Variants in ACTR3B observed in about 807,000 individuals in gnomAD.
The protein encoded by ACTR3B is actin related protein 3B, also known as actin-related protein 3B.
Under a neutral mutation model 59.0 loss-of-function variants are expected in ACTR3B, and 8 were observed. The observed-to-expected ratio is 0.14, with a 90% CI of 0.08 to 0.24. The LOEUF is 0.24. Ranked by LOEUF, ACTR3B falls within the 10% of genes least tolerant of loss-of-function variation. The probability of loss-of-function intolerance (pLI) is 1.00; values close to 1 mark genes in which losing one functional copy is unlikely to be tolerated. For missense variants in ACTR3B, 245 were observed against 552.3 expected (o/e 0.44, Z 5.58); for synonymous variants, 148 against 197.9 (o/e 0.75, Z 2.12).
intron 2 of ACTR3B, among the ~76,000 whole-genome samples, chr7:152,784,969 G>C (rs1338278998): frequency 2.0e-5 from 3 of 152,058 alleles, no homozygotes; most frequent in Non-Finnish European, 2.9e-5. Flanking sequence ...GTGTTCTGTA[G>C]GATGAATCAG....
intron 1 of ACTR3B, among the ~76,000 whole-genome samples, chr7:152,767,366 G>A (rs2098113596): frequency 6.6e-6 from 1 of 152,094 alleles, no homozygotes; most frequent in South Asian, 2.1e-4. Context: ...GTTCATAATA[G>A]CAGCACCACA....
intron 8 of ACTR3B, 113 bp downstream of exon 8, chr7:152,823,628 C>T (rs183530003): frequency 6.7e-4 from 880 of 1,306,058 alleles, no homozygotes; most frequent in African/African-American, 4.1e-3. Flanking sequence ...GGCCGTCATT[C>T]GGTCTCTCTG....
intron 7 of ACTR3B, among the ~76,000 whole-genome samples, chr7:152,821,629 G>A (rs1796167380): frequency 6.6e-6 from 1 of 152,212 alleles, no homozygotes. Flanking sequence ...CACACGGGCT[G>A]TTGGGGTTCC....
chr7:152,811,052 A>G (rs933691065), intron 4 of ACTR3B: 1 of 151,480 alleles, frequency 6.6e-6, no homozygotes, highest in African/African-American at 2.4e-5. Context: ...AATTGTTCCA[A>G]AGTGTTTAGT....
At chr7:152,786,595 A>G (rs995313414) in intron 2 of ACTR3B, among the ~76,000 whole-genome samples, 5 of 151,710 alleles carry the variant, frequency 3.3e-5, no homozygotes, top group African/African-American at 1.2e-4. Context: ...CCCACACACA[A>G]AAAACCCCAT....
chr7:152,762,586 A>G (rs1483562538), intron 1 of ACTR3B, among the ~76,000 whole-genome samples: 1 of 152,188 alleles, frequency 6.6e-6, no homozygotes, highest in African/African-American at 2.4e-5. Flanking sequence ...TTTCCCTTCT[A>G]GAATCACATT....
At chr7:152,831,378 C>T (rs567661567) in intron 9 of ACTR3B, among the ~76,000 whole-genome samples, 7 of 152,232 alleles carry the variant, frequency 4.6e-5, no homozygotes, top group South Asian at 2.1e-4. Context: ...CTGGGAGAGC[C>T]GCAAGAGCCC....
intron 3 of ACTR3B, among the ~76,000 whole-genome samples, chr7:152,801,368 T>C (rs1209162331): frequency 2.6e-5 from 4 of 152,222 alleles, no homozygotes; most frequent in Non-Finnish European, 5.9e-5. Context: ...CGTGAGCCAC[T>C]GTGCCTGGCC....
chr7:152,851,535 G>A (rs533204226), intron 9 of ACTR3B, among the ~76,000 whole-genome samples: 4 of 152,328 alleles, frequency 2.6e-5, no homozygotes, highest in African/African-American at 9.6e-5. Flanking sequence ...GGGCTGGTTC[G>A]GGTTCTGGGC....
intron 2 of ACTR3B, among the ~76,000 whole-genome samples, chr7:152,797,340 T>C (rs1203514756): frequency 6.6e-6 from 1 of 152,150 alleles, no homozygotes; most frequent in Admixed American, 6.6e-5. Context: ...CTTAGCCTCC[T>C]GAGTCTCTGG....
intron 5 of ACTR3B, among the ~76,000 whole-genome samples, chr7:152,815,778 G>T (rs1795642860): frequency 1.3e-5 from 2 of 152,070 alleles, no homozygotes; most frequent in African/African-American, 2.4e-5. Flanking sequence ...AGAATTTCTG[G>T]GTGTGAGGCC....
At chr7:152,843,745 G>T (rs915913155) in intron 9 of ACTR3B, among the ~76,000 whole-genome samples, 1 of 152,186 alleles carries the variant, frequency 6.6e-6, no homozygotes, top group South Asian at 2.1e-4. Context: ...AATAAATCAA[G>T]TAGCAAAATG....
chr7:152,818,576 G>A (rs1795897693), intron 6 of ACTR3B, among the ~76,000 whole-genome samples: 2 of 152,114 alleles, frequency 1.3e-5, no homozygotes, highest in Admixed American at 1.3e-4. Flanking sequence ...TCGGCCTCCT[G>A]AGTAGCTGGG....
chr7:152,818,384 A>T (rs771861448), intron 6 of ACTR3B, among the ~76,000 whole-genome samples: 5 of 152,378 alleles, frequency 3.3e-5, no homozygotes, highest in Non-Finnish European at 4.4e-5. Flanking sequence ...ATTTGAAGAA[A>T]TAAAATTACC....
chr7:152,783,042 A>G (rs1238157798), intron 1 of ACTR3B, 145 bp from the exon 2 acceptor site: 6 of 393,096 alleles, frequency 1.5e-5, no homozygotes, highest in Middle Eastern at 1.5e-3. Flanking sequence ...AGTGATCACA[A>G]GTTTTTTTTT....
rs556638732 is a variant in ACTR3B, at chr7:152,824,813, T to G, written c.859-217T>G. ...GATGTTGTTGGTATTTTTTCTTCAC[T>G]AAATCCATACATTTTACCTCATGAG... On this transcript the variant is annotated intron_variant, in intron 8 of 11. Coordinates refer to ENST00000256001, the MANE Select transcript of ACTR3B (RefSeq NM_020445.6). The surrounding 1 kb of genome is among the most constrained non-coding windows in gnomAD (Gnocchi z 4.2). Among the ~76,000 whole-genome samples the G allele has an allele frequency of 6.6e-6, 1 of 152,272 alleles. No homozygotes were observed. The highest frequency in any genetic ancestry group is 1.9e-4 in the East Asian group (1 of 5,190).
chr7:152,780,636 T>G (rs1444424254), intron 1 of ACTR3B, among the ~76,000 whole-genome samples: 2 of 151,572 alleles, frequency 1.3e-5, no homozygotes, highest in African/African-American at 4.8e-5. Flanking sequence ...GCCATAGTTA[T>G]GATTTCAGGG....
chr7:152,767,239 A>G (rs1261255977), intron 1 of ACTR3B, among the ~76,000 whole-genome samples: 2 of 152,052 alleles, frequency 1.3e-5, no homozygotes, highest in African/African-American at 4.8e-5. Context: ...TTATCTCAAC[A>G]TAATTTATGG....
At chr7:152,782,980 ATAT>A (rs1426399392) in intron 1 of ACTR3B, among the ~76,000 whole-genome samples, 1 of 149,948 alleles carries the variant, frequency 6.7e-6, no homozygotes, top group East Asian at 1.9e-4. Context: ...AACAAGCATA[ATAT>A]TTTAAGTTTT....
Sources: allele counts gnomAD v4.1 joint callset (sites outside exome capture counted in the v4.1 genomes callset), GRCh38; gene constraint gnomAD v4.1.1; non-coding constraint Gnocchi (gnomAD v3.1); transcripts MANE v1.5; gene names NCBI Gene and HGNC (gene_info 2026-07-23, HGNC 2026-07-21).